POLDIP2: variants seen among roughly 807,000 people sequenced by gnomAD.
The protein encoded by POLDIP2 is polymerase delta-interacting protein 2.
Under a neutral mutation model 52.9 loss-of-function variants are expected in POLDIP2, and 32 were observed. The observed-to-expected ratio is 0.61, with a 90% confidence interval of 0.46 to 0.81. POLDIP2 has a LOEUF of 0.81. Among genes scored for constraint, POLDIP2 ranks in the 40% least tolerant of loss-of-function variants. The probability of loss-of-function intolerance (pLI) is 0.00; values close to 1 mark genes in which losing one functional copy is unlikely to be tolerated. For synonymous variants in POLDIP2, 183 were observed against 183.0 expected, an observed-to-expected ratio of 1.00 and a Z score of 0.00; for missense variants, 371 against 477.3, an observed-to-expected ratio of 0.78 and a Z score of 2.07.
chr17:28,353,520 C>CCAAAAAAAAAAAAAA (rs1907896470), intron 4 of POLDIP2, among the ~76,000 whole-genome samples, 175 bp downstream of exon 4: 1 of 54,814 alleles, frequency 1.8e-5, no homozygotes, highest in Non-Finnish European at 3.0e-5. Flanking sequence ...GACTCCATAT[C>CCAAAAAAAAAAAAAA]AAAAAAAAAA....
At chr17:28,351,327 T>C (rs1051506692) in intron 7 of POLDIP2, among the ~76,000 whole-genome samples, 1 of 152,252 alleles carries the variant, frequency 6.6e-6, no homozygotes, top group African/African-American at 2.4e-5. Flanking sequence ...AGCCAGGCGA[T>C]GTGTAAGTGT....
intron 9 of POLDIP2, among the ~76,000 whole-genome samples, chr17:28,350,135 T>A (rs375002031): frequency 6.6e-6 from 1 of 152,214 alleles, no homozygotes; most frequent in Non-Finnish European, 1.5e-5. Context: ...AAAGACACTA[T>A]ACCAGTTTTA....
chr17:28,350,833 G>C, intron 7 of POLDIP2, 41 bp from the exon 8 acceptor site: 1 of 1,522,916 alleles, frequency 6.6e-7, no homozygotes, highest in South Asian at 1.2e-5. Context: ...CACAGGGCAA[G>C]ACCAAGTGTG....
chr17:28,357,415 C>G lies in POLDIP2; in HGVS notation c.34G>C (p.Val12Leu). Residue 12 changes from valine (V) to leucine (L), a missense_variant, in exon 1 of 11, where the codon GTG (valine) becomes CTG (leucine). Coordinates refer to ENST00000540200, the MANE Select transcript of POLDIP2 (RefSeq NM_015584.5). ...AACTARRALA[V>L]GSRWWSRSLT... ...GACCGGGACCACCAGCGGCTGCCCA[C>G]GGCCAGGGCCCGCCGGGCTGTACAG... 6.6e-7 allele frequency: 1 copy of G among 1,504,712 alleles called. No individual in the cohort carries two copies. Among genetic ancestry groups the G allele is most frequent in the Non-Finnish European group, 8.8e-7 (1 of 1,136,128 alleles). 93.2% of individuals were successfully genotyped at this position (1,504,712 alleles called of 1,614,324 possible).
Position 28,350,616 on chromosome 17 carries a change from T to A in POLDIP2, c.787-53A>T. 29 of 1,596,378 alleles carry A rather than the reference T, an allele frequency of 1.8e-5. No homozygotes were observed. In the South Asian group the frequency reaches 3.2e-4, roughly 18 times the overall value. On this transcript the variant is annotated intron_variant, in intron 8 of 10. Coordinates refer to ENST00000540200, the MANE Select transcript of POLDIP2 (RefSeq NM_015584.5). ...AAAAAAAATAAAATTTGGGTAACCC[T>A]CCTCAGAATTCTGTGCAAAGCAAAA...
Position 28,353,030 on chromosome 17 carries a change from G to A in POLDIP2, c.515-11C>T. The A allele has an allele frequency of 1.1e-6, 1 of 910,814 alleles. No individual in the cohort carries two copies. The highest frequency in any genetic ancestry group is 2.4e-5 in the East Asian group (1 of 41,778). 56.4% of individuals were successfully genotyped at this position (910,814 alleles called of 1,614,324 possible). The stretch of plus-strand genomic sequence containing the variant: ...TGACATAGTCCAAGCCTGGCACAGA[G>A]ATGCAAAAGACAGTGGTGAAACTCA... On this transcript the variant is annotated splice_polypyrimidine_tract_variant and intron_variant, in intron 5 of 10. Transcript: ENST00000540200.
At chr17:28,350,590 TA>T (rs782043773) in intron 8 of POLDIP2, 27 bp from the exon 9 acceptor site, 79 of 1,597,638 alleles carry the variant, frequency 4.9e-5, no homozygotes, top group Middle Eastern at 1.7e-4. Flanking sequence ...AGAGAGAGTT[TA>T]AAAAAAATAA....
At position 28,352,928 on chromosome 17, in the gene POLDIP2, C is replaced by T. The variant is rs528582229; in HGVS notation, c.606G>A (p.Leu202=). The change falls in exon 6 of 11, where the codon CTG becomes CTA. Residue 202 remains leucine (L), a synonymous_variant. Transcript: ENST00000540200. ...IQHELFERFL[L]YDQTKAPPFV... ...AGAGATTACCTTTTGTCTGGTCATA[C>T]AGAAGAAATCTTTCAAAGAGTTCAT... is the stretch of plus-strand genomic sequence containing the variant. 6.3e-7 allele frequency: 1 copy of T among 1,589,148 alleles called. No individual in the cohort carries two copies. Among genetic ancestry groups the T allele is most frequent in the Non-Finnish European group, 8.6e-7 (1 of 1,157,352 alleles).
In POLDIP2 at chr17:28,347,583, C is replaced by G. The variant is rs1348991011; in HGVS notation, c.*534G>C. The G allele has an allele frequency of 2.6e-5, 4 of 154,044 alleles. No individual in the cohort carries two copies. Among genetic ancestry groups the G allele is most frequent in the Admixed American group, 1.3e-4 (2 of 15,572 alleles). The allele number at this position is 154,044 out of a possible 1,614,324, so 9.5% of individuals were successfully genotyped here. A position where few individuals can be genotyped will look rare whatever the true frequency, so the allele number is the denominator to read the frequency against. ...TGCATTTGGCAGAAGGTAAAGTGAA[C>G]AAGAGTCCAGTCCAGCACCCCCGCC... is the stretch of plus-strand genomic sequence containing the variant. On this transcript the variant is annotated 3_prime_UTR_variant, in exon 11 of 11. Transcript: ENST00000540200.
chr17:28,349,251 A>C, intron 9 of POLDIP2, 89 bp from the exon 10 acceptor site: 1 of 874,442 alleles, frequency 1.1e-6, no homozygotes, highest in Non-Finnish European at 1.8e-6. Flanking sequence ...CCAGTTCATC[A>C]AGACTGGATG....
chr17:28,352,922 G>A lies in POLDIP2; in HGVS notation c.612C>T (p.Asp204=), dbSNP rs782319131. Reference sequence around the variant, plus strand: ...CTTGAGAGAGATTACCTTTTGTCTGGTCATACAGAAGAAATCTTTCAAAGA... The same window carrying A: ...CTTGAGAGAGATTACCTTTTGTCTGATCATACAGAAGAAATCTTTCAAAGA... ...HELFERFLLY[D]QTKAPPFVAR... is the part of the protein sequence containing the mutation. Residue 204 remains aspartate (D), a synonymous_variant, in exon 6 of 11, where the codon GAC becomes GAT. Transcript: ENST00000540200. 3 of 1,583,060 alleles carry A rather than the reference G, an allele frequency of 1.9e-6. No individual in the cohort carries two copies. Among genetic ancestry groups the A allele is most frequent in the South Asian group, 1.1e-5 (1 of 90,340 alleles).
At chr17:28,353,357 C>G (rs1555580381) in intron 4 of POLDIP2, 41 bp from the exon 5 acceptor site, 2 of 1,115,994 alleles carry the variant, frequency 1.8e-6, no homozygotes, top group Non-Finnish European at 2.7e-6. Context: ...CATGTCTCTG[C>G]TAAAAAGTAC....
Position 28,351,801 on chromosome 17 carries a change from C to T in POLDIP2, c.623-1G>A. 2 of 1,613,456 alleles carry T rather than the reference C, an allele frequency of 1.2e-6. No individual in the cohort carries two copies. The highest frequency in any genetic ancestry group is 8.5e-7 in the Non-Finnish European group (1 of 1,179,478). On this transcript the variant is annotated splice_acceptor_variant, in intron 6 of 10. Transcript: ENST00000540200. LOFTEE classifies it high-confidence loss of function. ...GTCTCCCGAGCCACAAAAGGAGGTG[C>T]TGGGGCAAGATACAATTGGTTAGTC... is the stretch of plus-strand genomic sequence containing the variant.
intron 2 of POLDIP2, among the ~76,000 whole-genome samples, chr17:28,354,890 C>T (rs1156303817): frequency 7.2e-5 from 11 of 152,208 alleles, no homozygotes; most frequent in African/African-American, 2.4e-4. Context: ...CTAGAAACTC[C>T]ACAATAGCAG....
At position 28,353,520 on chromosome 17, in the gene POLDIP2, C is replaced by CAAAAAAAAAAA. The variant is rs71135829; in HGVS notation, c.438+164_438+174dup. Among the ~76,000 whole-genome samples, 439 of 54,722 alleles carry CAAAAAAAAAAA rather than the reference C, an allele frequency of 8.0e-3. 82 individuals are homozygous for CAAAAAAAAAAA. The highest frequency in any genetic ancestry group is 0.039 in the African/African-American group (384 of 9,914). 35.9% of individuals were successfully genotyped at this position (54,722 alleles called of 152,430 possible). On this transcript the variant is annotated intron_variant, in intron 4 of 10. Transcript: ENST00000540200. ...CTGGCGACAGAGTGAGACTCCATAT[C>CAAAAAAAAAAA]AAAAAAAAAAAAAAAGACGTGAATC...
chr17:28,353,914 G>A (rs566519993), intron 3 of POLDIP2, 123 bp from the exon 4 acceptor site: 3 of 695,618 alleles, frequency 4.3e-6, no homozygotes, highest in Non-Finnish European at 7.9e-6. Context: ...TTTAGCACCA[G>A]CTGGACACCT....
At chr17:28,356,445 A>T (rs1331305901) in intron 1 of POLDIP2, among the ~76,000 whole-genome samples, 1 of 152,114 alleles carries the variant, frequency 6.6e-6, no homozygotes, top group Non-Finnish European at 1.5e-5. Context: ...TTTGTCCTGT[A>T]TTATAATTCC....
At chr17:28,352,537 CTTT>C (rs3032928) in intron 6 of POLDIP2, among the ~76,000 whole-genome samples, 1 of 129,218 alleles carries the variant, frequency 7.7e-6, no homozygotes, top group East Asian at 2.4e-4. Flanking sequence ...GCACCCGGGC[CTTT>C]TTTTTTTTTT....
In POLDIP2 at chr17:28,349,442, G is replaced by C. The variant is rs1284902862; in HGVS notation, c.913-280C>G. 1.3e-4 allele frequency among the ~76,000 whole-genome samples: 15 copies of C among 118,520 alleles called. No individual in the cohort carries two copies. The South Asian group carries it at 1.7e-3, about 13-fold the overall frequency. The allele number at this position is 118,520 out of a possible 152,430, so 77.8% of individuals were successfully genotyped here. Reference sequence around the variant, plus strand: ...CCTCCTCTGCAGCCCGGGGAACACAGTGAGACCCCATCTCCACAAAAAAAA... The same window carrying C: ...CCTCCTCTGCAGCCCGGGGAACACACTGAGACCCCATCTCCACAAAAAAAA... On this transcript the variant is annotated intron_variant, in intron 9 of 10. Transcript: ENST00000540200.
Sources: gnomAD v4.1 joint callset for allele counts (sites outside exome capture counted in the v4.1 genomes callset) on GRCh38, gnomAD v4.1.1 for gene constraint, MANE v1.5 for transcripts, NCBI Gene and HGNC (gene_info 2026-07-23, HGNC 2026-07-21) for gene names.